SYNE2: variants seen among roughly 807,000 people sequenced by gnomAD.
SYNE2 encodes the protein nesprin-2.
A neutral mutation model predicts 856.3 loss-of-function variants in SYNE2; 431 were observed. The ratio of observed to expected loss-of-function variants is 0.50; its 90% CI spans 0.47 to 0.55. SYNE2 has a LOEUF of 0.55. Among genes scored for constraint, SYNE2 ranks in the 20% least tolerant of loss-of-function variants. The pLI is 0.00. For missense variants in SYNE2, 8,129 were observed against 8,023.2 expected, an observed-to-expected ratio of 1.01 and a Z score of -0.50; for synonymous variants, 2,923 against 2,872.3, an observed-to-expected ratio of 1.02 and a Z score of -0.56.
chr14:63,889,540 A>G (rs1022984630), intron 1 of SYNE2, among the ~76,000 whole-genome samples: 3 of 152,130 alleles, frequency 2.0e-5, no homozygotes, highest in Admixed American at 6.5e-5. Context: ...CAGTGGCACA[A>G]TCGTAGCTCA....
Position 64,126,599 on chromosome 14 carries a change from C to G in SYNE2, c.13709C>G (p.Thr4570Arg). Reference sequence around the variant, plus strand: ...TGTCTTCCTTCCTCTCCACTCCAGACGCTGGCTCTTGAGTTGAAGAAACTT... The same window carrying G: ...TGTCTTCCTTCCTCTCCACTCCAGAGGCTGGCTCTTGAGTTGAAGAAACTT... The part of the protein sequence containing the change: ...DGSGQQVHYE[T>R]LALELKKLYL... Residue 4570 changes from threonine to arginine, a missense_variant and splice_region_variant, in exon 73 of 116, where the codon ACG becomes AGG. By Grantham distance (71) the Thr-to-Arg change is moderately conservative. This residue lies in a region of SYNE2 where 5,410 missense variants were observed against 5,284.8 expected (regional missense o/e 1.02). Coordinates refer to ENST00000555002, the MANE Select transcript of SYNE2 (RefSeq NM_182914.3). 1 of 1,614,206 alleles carries G rather than the reference C, an allele frequency of 6.2e-7. No individual in the cohort carries two copies. Among genetic ancestry groups the G allele is most frequent in the Non-Finnish European group, 8.5e-7 (1 of 1,180,028 alleles).
At chr14:63,764,440 C>A (rs973713184) in intron 1 of SYNE2, among the ~76,000 whole-genome samples, 1 of 151,788 alleles carries the variant, frequency 6.6e-6, no homozygotes, top group Non-Finnish European at 1.5e-5. Context: ...GAGGCCATAG[C>A]GGGAGGACTG....
chr14:63,867,567 A>G (rs893324896), intron 1 of SYNE2, among the ~76,000 whole-genome samples: 2 of 152,012 alleles, frequency 1.3e-5, no homozygotes, highest in Non-Finnish European at 2.9e-5. Context: ...GTGTGGTGGC[A>G]CATACCTGTA....
At chr14:63,821,272 T>C (rs1000990293) in intron 1 of SYNE2, among the ~76,000 whole-genome samples, 2 of 152,182 alleles carry the variant, frequency 1.3e-5, no homozygotes, top group Admixed American at 6.6e-5. Context: ...AAATAACATT[T>C]TGGATCTATT....
At chr14:63,894,241 G>A (rs373290399) in intron 1 of SYNE2, among the ~76,000 whole-genome samples, 2 of 140,884 alleles carry the variant, frequency 1.4e-5, no homozygotes, top group South Asian at 2.2e-4. Flanking sequence ...CATTGTTCCT[G>A]TGCCCAGGCT....
In SYNE2 at chr14:63,991,048, A is replaced by G; in HGVS notation, c.2579A>G (p.Tyr860Cys). The G allele has an allele frequency of 6.2e-7, 1 of 1,614,170 alleles. No individual in the cohort carries two copies. Among genetic ancestry groups the G allele is most frequent in the South Asian group, 1.1e-5 (1 of 91,086 alleles). Residue 860 changes from tyrosine to cysteine, a missense_variant, in exon 21 of 116, where the codon TAT becomes TGT. Transcript: ENST00000555002. The stretch of plus-strand genomic sequence containing the variant: ...GAATCCCAGAAGGAACTTGAATCAT[A>G]TATGATGAGGGCTCAGCAGTTACTG... The part of the protein sequence containing the change: ...MEESQKELES[Y>C]MMRAQQLLGQ...
chr14:63,772,615 C>T (rs1036175507), intron 1 of SYNE2, among the ~76,000 whole-genome samples: 2 of 149,994 alleles, frequency 1.3e-5, no homozygotes, highest in African/African-American at 4.9e-5. Flanking sequence ...CGGTGGTGTG[C>T]ACCTATAATC....
chr14:64,213,742 A>G (rs1813947020), intron 105 of SYNE2, among the ~76,000 whole-genome samples: 1 of 152,166 alleles, frequency 6.6e-6, no homozygotes, highest in African/African-American at 2.4e-5. Flanking sequence ...CAAGCAGAAT[A>G]CAGACACTGA....
intron 1 of SYNE2, among the ~76,000 whole-genome samples, chr14:63,814,436 A>G (rs2139836563): frequency 1.3e-5 from 1 of 76,750 alleles, no homozygotes; most frequent in East Asian, 3.1e-4. Flanking sequence ...CCTTATATAT[A>G]TCCATATATA....
In SYNE2 at chr14:64,201,714, G is replaced by A. The variant is rs574174576; in HGVS notation, c.18039-1087G>A. On this transcript the variant is annotated intron_variant, in intron 99 of 115. Coordinates refer to ENST00000555002, the MANE Select transcript of SYNE2 (RefSeq NM_182914.3). ...GTTCGGTCAAGTAAGAGGTGATGGT[G>A]GCATGGAGCACAATGCTTCCTGAGA... Among the ~76,000 whole-genome samples, 3 of 152,248 alleles carry A rather than the reference G, an allele frequency of 2.0e-5. No homozygotes were observed. In the East Asian group the frequency reaches 5.8e-4, roughly 29 times the overall value.
chr14:64,125,079 G>C lies in SYNE2; in HGVS notation c.13423G>C (p.Val4475Leu). The change falls in exon 71 of 116, where the codon GTT becomes CTT. Residue 4475 changes from valine (V) to leucine (L), a missense_variant and splice_region_variant. By Grantham distance (32) the Val-to-Leu change is conservative. Coordinates refer to ENST00000555002, the MANE Select transcript of SYNE2 (RefSeq NM_182914.3). ...AATAGGGTTTTCCTTTGTCAAATAGGTTTCCACAAATATGGGTATTCTACC... is the reference window on the plus strand; with the variant it reads ...AATAGGGTTTTCCTTTGTCAAATAGCTTTCCACAAATATGGGTATTCTACC... ...LPLPQLVEPQVSTNMGILPSV... is the reference protein window; with the variant it reads ...LPLPQLVEPQLSTNMGILPSV... The C allele has an allele frequency of 6.2e-7, 1 of 1,614,064 alleles. No homozygotes were observed. Among genetic ancestry groups the C allele is most frequent in the Non-Finnish European group, 8.5e-7 (1 of 1,179,984 alleles).
At chr14:64,005,599 G>A (rs2096790182) in intron 30 of SYNE2, among the ~76,000 whole-genome samples, 2 of 152,218 alleles carry the variant, frequency 1.3e-5, no homozygotes, top group African/African-American at 4.8e-5. Flanking sequence ...TATCAGTGTT[G>A]GATGAAATGT....
At chr14:64,157,281 A>G (rs568132348) in intron 85 of SYNE2, among the ~76,000 whole-genome samples, 1 of 152,290 alleles carries the variant, frequency 6.6e-6, no homozygotes, top group Admixed American at 6.5e-5. Flanking sequence ...CCTGGCAGCC[A>G]CTAGTCTACC....
chr14:64,070,679 A>C lies in SYNE2; in HGVS notation c.10466A>C (p.Gln3489Pro). Reference protein sequence around the residue: ...EREAIILDNLQEELPEISKTK... With the variant: ...EREAIILDNLPEELPEISKTK... ...GAGGCAATTATTTTAGATAATCTTC[A>C]GGAAGAACTCCCTGAAATTTCCAAA... The change falls in exon 52 of 116, where the codon CAG (glutamine) becomes CCG (proline). Residue 3489 changes from glutamine (Q) to proline (P), a missense_variant. Physicochemically the swap from Gln to Pro is moderately conservative, Grantham distance 76 (BLOSUM62 -1). Transcript: ENST00000555002. 1.2e-6 allele frequency: 2 copies of C among 1,613,818 alleles called. No homozygotes were observed. Among genetic ancestry groups the C allele is most frequent in the Non-Finnish European group, 8.5e-7 (1 of 1,179,850 alleles).
At chr14:64,078,420 T>G in intron 54 of SYNE2, 46 bp from the exon 55 acceptor site, 1 of 1,609,938 alleles carries the variant, frequency 6.2e-7, no homozygotes, top group Non-Finnish European at 8.5e-7. Context: ...ATGAATAAAG[T>G]GCAGACAACC....
rs2153351102 is a variant in SYNE2, at chr14:63,909,163, T to C, written c.15T>C (p.Pro5=). The C allele has an allele frequency of 1.2e-6, 2 of 1,610,456 alleles. No individual in the cohort carries two copies. Among genetic ancestry groups the C allele is most frequent in the Non-Finnish European group, 1.7e-6 (2 of 1,176,882 alleles). Residue 5 remains proline (P), a synonymous_variant, in exon 2 of 116, where the codon CCT becomes CCC. Coordinates refer to ENST00000555002, the MANE Select transcript of SYNE2 (RefSeq NM_182914.3). The part of the protein sequence containing the change: MASS[P]ELPTEDEQGS... ...TGAGTCAAAGAATGGCATCTAGTCC[T>C]GAGCTTCCCACCGAAGATGAACAGG...
At chr14:64,221,261 C>A (rs922820757) in intron 111 of SYNE2, among the ~76,000 whole-genome samples, 2 of 152,102 alleles carry the variant, frequency 1.3e-5, no homozygotes, top group African/African-American at 4.8e-5. Flanking sequence ...CCACTGGAAC[C>A]CAGCAGAGAA....
In SYNE2 at chr14:64,007,221, T is replaced by C. The variant is rs2153513257; in HGVS notation, c.4576T>C (p.Cys1526Arg). 6.2e-7 allele frequency: 1 copy of C among 1,613,768 alleles called. No homozygotes were observed. The highest frequency in any genetic ancestry group is 8.5e-7 in the Non-Finnish European group (1 of 1,179,792). ...GAATACCAAAGCCTTGGTCACCGAA[T>C]GGTAAGGAAAAAAAAGAATCCCTCT... is the stretch of plus-strand genomic sequence containing the variant. ...WENTKALVTE[C>R]LEQCGRVLEL... Residue 1526 changes from cysteine to arginine, a missense_variant and splice_region_variant, in exon 31 of 116, where the codon TGT becomes CGT. Around this residue, in one of 3 missense-constraint regions of SYNE2, gnomAD observed 2,422 missense variants for 2,357.4 expected, o/e 1.03. Transcript: ENST00000555002.
chr14:64,107,456 G>A (rs145259416), intron 64 of SYNE2, 35 bp from the exon 65 acceptor site: 2 of 1,569,576 alleles, frequency 1.3e-6, no homozygotes, highest in Admixed American at 1.7e-5. Flanking sequence ...ACCAGGGCAG[G>A]ACCCTTTCTG....
Sources: allele counts gnomAD v4.1 joint callset (sites outside exome capture counted in the v4.1 genomes callset), GRCh38; gene constraint gnomAD v4.1.1; regional missense constraint gnomAD v4.1.1; transcripts MANE v1.5; gene names NCBI Gene and HGNC (gene_info 2026-07-23, HGNC 2026-07-21).